TENM4: variants seen among roughly 807,000 people sequenced by gnomAD.
The protein encoded by TENM4 is teneurin-4.
In TENM4, 82 loss-of-function variants were observed where a neutral mutation model predicts 243.3. The observed-to-expected ratio is 0.34, with a 90% CI of 0.28 to 0.40. TENM4 has a LOEUF of 0.40. Ranked by LOEUF, TENM4 falls within the 10% of genes least tolerant of loss-of-function variation. TENM4 has a pLI of 1.00. For synonymous variants in TENM4, 1,412 were observed against 1,456.3 expected, an observed-to-expected ratio of 0.97 and a Z score of 0.69; for missense variants, 3,138 against 3,673.3, an observed-to-expected ratio of 0.85 and a Z score of 3.77.
intron 18 of TENM4, among the ~76,000 whole-genome samples, chr11:78,765,472 T>C (rs945970812): frequency 6.6e-6 from 1 of 152,234 alleles, no homozygotes; most frequent in African/African-American, 2.4e-5. Context: ...AAATTTCTCC[T>C]TCTAGGTTGC....
intron 1 of TENM4, among the ~76,000 whole-genome samples, chr11:79,396,710 A>T (rs1348853548): frequency 6.6e-6 from 1 of 152,190 alleles, no homozygotes; most frequent in East Asian, 1.9e-4. Flanking sequence ...TGACGCATGC[A>T]TGGTTCTCCC....
At chr11:79,368,140 T>C (rs1001045992) in intron 1 of TENM4, among the ~76,000 whole-genome samples, 1 of 152,154 alleles carries the variant, frequency 6.6e-6, no homozygotes, top group Non-Finnish European at 1.5e-5. Context: ...AGGGCAGGAC[T>C]GGGTCAGTCT....
chr11:79,251,733 G>C (rs1238767815), intron 2 of TENM4, among the ~76,000 whole-genome samples: 1 of 150,662 alleles, frequency 6.6e-6, no homozygotes, highest in Non-Finnish European at 1.5e-5. Flanking sequence ...AAAAGATAAA[G>C]GAATAAAAAT....
intron 6 of TENM4, among the ~76,000 whole-genome samples, chr11:78,915,077 T>C (rs1239532466): frequency 1.3e-5 from 2 of 152,200 alleles, no homozygotes; most frequent in Non-Finnish European, 2.9e-5. Context: ...TAGCACCCCA[T>C]AGCTCGCCAC....
At chr11:78,729,757 GGA>G in intron 21 of TENM4, 114 bp from the exon 22 acceptor site, 1 of 1,358,340 alleles carries the variant, frequency 7.4e-7, no homozygotes, top group Non-Finnish European at 9.9e-7. Flanking sequence ...AAAGGCAGAA[GGA>G]GAGAGGAGGG....
At chr11:79,043,691 G>T (rs1859592716) in intron 6 of TENM4, among the ~76,000 whole-genome samples, 2 of 152,212 alleles carry the variant, frequency 1.3e-5, no homozygotes, top group South Asian at 4.2e-4. Flanking sequence ...GAAATATCAG[G>T]TTCTCTATAA....
At chr11:79,120,246 C>T (rs1324423842) in intron 4 of TENM4, among the ~76,000 whole-genome samples, 1 of 152,206 alleles carries the variant, frequency 6.6e-6, no homozygotes, top group Non-Finnish European at 1.5e-5. Flanking sequence ...CTAGGACCAT[C>T]TACTTCCCTA....
intron 27 of TENM4, among the ~76,000 whole-genome samples, chr11:78,704,066 T>C (rs11822119): frequency 0.025 from 3,559 of 142,522 alleles, 145 homozygotes; most frequent in African/African-American, 0.091. Flanking sequence ...CACACACACA[T>C]ATATATATAA....
chr11:79,318,243 G>C (rs1380851668), intron 1 of TENM4, among the ~76,000 whole-genome samples: 1 of 152,114 alleles, frequency 6.6e-6, no homozygotes, highest in Non-Finnish European at 1.5e-5. Context: ...GGGATAAAAA[G>C]GCACCAAGGC....
intron 3 of TENM4, among the ~76,000 whole-genome samples, chr11:79,213,995 A>C: frequency 6.9e-6 from 1 of 144,848 alleles, no homozygotes; most frequent in East Asian, 2.0e-4. Flanking sequence ...CAAAAAATAA[A>C]TTTTTTTTTT....
Position 78,903,542 on chromosome 11 carries a change from G to T in TENM4, c.494-19C>A, listed in dbSNP as rs755372329. 9 of 1,543,234 alleles carry T rather than the reference G, an allele frequency of 5.8e-6. No homozygotes were observed. The highest frequency in any genetic ancestry group is 1.4e-5 in the African/African-American group (1 of 73,114). On this transcript the variant is annotated intron_variant, in intron 6 of 33. Transcript: ENST00000278550. ...GGATGATCTAGGGCACAAACATGGC[G>T]GTCAGCGGCGGTGAGCTTGGTGCTG...
intron 27 of TENM4, among the ~76,000 whole-genome samples, chr11:78,705,740 G>A (rs944942380): frequency 1.3e-5 from 2 of 152,218 alleles, no homozygotes; most frequent in Non-Finnish European, 2.9e-5. Context: ...ATGGCATAGA[G>A]GGAGTGAGAG....
chr11:79,346,322 G>A (rs942626475), intron 1 of TENM4, among the ~76,000 whole-genome samples: 1 of 152,078 alleles, frequency 6.6e-6, no homozygotes, highest in Admixed American at 6.5e-5. Context: ...TTCCACCTAG[G>A]TTACCTCATT....
chr11:78,817,079 C>G (rs1055898759), intron 12 of TENM4, among the ~76,000 whole-genome samples: 1 of 152,180 alleles, frequency 6.6e-6, no homozygotes, highest in Non-Finnish European at 1.5e-5. Context: ...GAAAAGGCAT[C>G]TAGACAAGGG....
chr11:78,843,142 G>A (rs1208962923), intron 12 of TENM4, among the ~76,000 whole-genome samples: 1 of 152,036 alleles, frequency 6.6e-6, no homozygotes, highest in East Asian at 1.9e-4. Context: ...GCTGGGCATG[G>A]TGGTGGGCGC....
Position 79,095,196 on chromosome 11 carries a change from C to T in TENM4, c.-65-25187G>A, listed in dbSNP as rs374351048. On this transcript the variant is annotated intron_variant, in intron 4 of 33. Transcript: ENST00000278550. The stretch of plus-strand genomic sequence containing the variant: ...GAAATAGCCCTAGAGCCAGCCTTCA[C>T]TCCTCATGGCAACCCTTTCAGGGAG... Among the ~76,000 whole-genome samples the T allele has an allele frequency of 1.1e-4, 17 of 152,324 alleles. No individual in the cohort carries two copies. The South Asian group carries it at 2.9e-3, about 26-fold the overall frequency.
At chr11:78,915,745 T>G (rs1856300952) in intron 6 of TENM4, among the ~76,000 whole-genome samples, 1 of 152,176 alleles carries the variant, frequency 6.6e-6, no homozygotes, top group African/African-American at 2.4e-5. Context: ...TATCAGGTCA[T>G]TTTCCAAATT....
At chr11:79,044,928 G>A in intron 6 of TENM4, among the ~76,000 whole-genome samples, 1 of 152,034 alleles carries the variant, frequency 6.6e-6, no homozygotes, top group East Asian at 1.9e-4. Flanking sequence ...TTTAAAGTAT[G>A]TTTATTATAG....
At chr11:79,298,905 T>C (rs1590861731) in intron 1 of TENM4, among the ~76,000 whole-genome samples, 1 of 152,230 alleles carries the variant, frequency 6.6e-6, no homozygotes, top group African/African-American at 2.4e-5. Context: ...TTTCAAAAAA[T>C]GTTTCTGCAG....
Sources: gnomAD v4.1 joint callset for allele counts (sites outside exome capture counted in the v4.1 genomes callset) on GRCh38, gnomAD v4.1.1 for gene constraint, MANE v1.5 for transcripts, NCBI Gene and HGNC (gene_info 2026-07-23, HGNC 2026-07-21) for gene names.